ITPR2: variants seen among roughly 807,000 people sequenced by gnomAD.
ITPR2 encodes the protein inositol 1,4,5-trisphosphate receptor type 2.
Under a neutral mutation model 317.1 loss-of-function variants are expected in ITPR2, and 207 were observed. The observed-to-expected ratio is 0.65, with a 90% CI of 0.58 to 0.73. The LOEUF is 0.73. Among genes scored for constraint, ITPR2 ranks in the 30% least tolerant of loss-of-function variants. ITPR2 has a pLI of 0.00. For missense variants in ITPR2, 2,613 were observed against 3,284.0 expected (o/e 0.80, Z 4.99); for synonymous variants, 1,156 against 1,149.1 (o/e 1.01, Z -0.12).
chr12:26,536,529 G>A (rs1314357541), intron 37 of ITPR2, among the ~76,000 whole-genome samples: 1 of 151,692 alleles, frequency 6.6e-6, no homozygotes, highest in Non-Finnish European at 1.5e-5. Flanking sequence ...TGAAATGGAT[G>A]TAAGTGAACA....
chr12:26,402,722 G>T (rs1275120574), intron 52 of ITPR2, among the ~76,000 whole-genome samples: 1 of 152,124 alleles, frequency 6.6e-6, no homozygotes, highest in Non-Finnish European at 1.5e-5. Context: ...AGTTAATAAG[G>T]TTCTACCTTC....
intron 37 of ITPR2, chr12:26,495,478 T>C (rs1942911918): frequency 2.2e-6 from 1 of 463,216 alleles, no homozygotes; most frequent in Non-Finnish European, 3.9e-6. Flanking sequence ...TGGGAGAAGC[T>C]TTTTGGAGGT....
At chr12:26,708,859 T>C (rs1455284971) in intron 9 of ITPR2, among the ~76,000 whole-genome samples, 1 of 152,154 alleles carries the variant, frequency 6.6e-6, no homozygotes, top group Non-Finnish European at 1.5e-5. Context: ...CATCAAGACA[T>C]CACACGTGCC....
At chr12:26,480,658 A>G (rs1565550601) in intron 43 of ITPR2, among the ~76,000 whole-genome samples, 1 of 151,990 alleles carries the variant, frequency 6.6e-6, no homozygotes, top group Non-Finnish European at 1.5e-5. Context: ...TGGCCAACAC[A>G]GTGAAACCCC....
chr12:26,590,787 A>G lies in ITPR2; in HGVS notation c.4380+4678T>C, dbSNP rs115630779. On this transcript the variant is annotated intron_variant, in intron 32 of 56. Coordinates refer to ENST00000381340, the MANE Select transcript of ITPR2 (RefSeq NM_002223.4). ...CGGAAAAATGGGATGACGTTAAGTT[A>G]AAAGGCTTCAGGTCGGGCACAGTGG... Among the ~76,000 whole-genome samples the G allele has an allele frequency of 7.8e-3, 1,191 of 152,292 alleles. 8 individuals are homozygous for G. The highest frequency in any genetic ancestry group is 0.027 in the African/African-American group (1,124 of 41,558).
intron 37 of ITPR2, among the ~76,000 whole-genome samples, chr12:26,545,179 G>A (rs180910256): frequency 6.6e-6 from 1 of 152,246 alleles, no homozygotes; most frequent in African/African-American, 2.4e-5. Context: ...ATGTCCTCAT[G>A]ATCCCTTTCC....
intron 34 of ITPR2, among the ~76,000 whole-genome samples, chr12:26,565,778 C>T (rs912455710): frequency 1.4e-5 from 2 of 148,128 alleles, no homozygotes; most frequent in Non-Finnish European, 3.0e-5. Flanking sequence ...CTGCATCTAG[C>T]CTAGGCAACA....
At chr12:26,718,640 C>T (rs983755022) in intron 5 of ITPR2, among the ~76,000 whole-genome samples, 6 of 151,440 alleles carry the variant, frequency 4.0e-5, no homozygotes, top group African/African-American at 1.2e-4. Flanking sequence ...GATGGGGTCT[C>T]GCTCTGTCAC....
chr12:26,392,395 T>C (rs921568115), intron 54 of ITPR2, among the ~76,000 whole-genome samples: 1 of 152,212 alleles, frequency 6.6e-6, no homozygotes, highest in Non-Finnish European at 1.5e-5. Context: ...TACTCTCTTT[T>C]CTGCCTTCCA....
At chr12:26,420,359 T>C (rs923830932) in intron 49 of ITPR2, among the ~76,000 whole-genome samples, 1 of 152,198 alleles carries the variant, frequency 6.6e-6, no homozygotes, top group African/African-American at 2.4e-5. Flanking sequence ...TGCAACATTG[T>C]TGATTTGTTC....
intron 55 of ITPR2, among the ~76,000 whole-genome samples, chr12:26,340,992 TTG>T (rs373004072): frequency 3.3e-5 from 5 of 151,916 alleles, no homozygotes; most frequent in East Asian, 1.9e-4. Context: ...TGTAGGTGTT[TTG>T]TGTGTGTGTG....
intron 15 of ITPR2, among the ~76,000 whole-genome samples, chr12:26,663,010 A>G (rs2136919473): frequency 6.6e-6 from 1 of 152,254 alleles, no homozygotes; most frequent in East Asian, 1.9e-4. Context: ...GAGAAATTTC[A>G]CTTGCAACTG....
chr12:26,486,541 A>G (rs998604744), intron 40 of ITPR2, among the ~76,000 whole-genome samples, 181 bp from the exon 41 acceptor site: 21 of 152,208 alleles, frequency 1.4e-4, no homozygotes, highest in African/African-American at 5.1e-4. Flanking sequence ...GCAGTGGGTC[A>G]TAAAAAAGAT....
At chr12:26,725,950 C>T (rs997810348) in intron 2 of ITPR2, 185 bp from the exon 3 acceptor site, 1 of 474,038 alleles carries the variant, frequency 2.1e-6, no homozygotes, top group African/African-American at 2.0e-5. Flanking sequence ...ATTATCTAGA[C>T]TCAGTTAAAA....
intron 21 of ITPR2, among the ~76,000 whole-genome samples, chr12:26,638,854 T>C (rs566269085): frequency 1.3e-5 from 2 of 152,286 alleles, no homozygotes; most frequent in South Asian, 4.1e-4. Flanking sequence ...TAAAAGGTGC[T>C]ACATGCTTAG....
chr12:26,419,579 G>C (rs11048506), intron 49 of ITPR2: 58,492 of 159,404 alleles, frequency 0.37, 13,090 homozygotes, highest in Non-Finnish European at 0.5. Context: ...GCAGCTGAGG[G>C]CCTTGATGGT....
intron 8 of ITPR2, among the ~76,000 whole-genome samples, chr12:26,711,690 C>G (rs1304282986): frequency 6.6e-6 from 1 of 152,098 alleles, no homozygotes; most frequent in Non-Finnish European, 1.5e-5. Context: ...AAGAGAGAGC[C>G]AGCGAACAAA....
intron 37 of ITPR2, among the ~76,000 whole-genome samples, chr12:26,533,593 C>T (rs560316176): frequency 7.9e-5 from 12 of 152,296 alleles, no homozygotes; most frequent in African/African-American, 2.9e-4. Context: ...GAGGTAATTA[C>T]ATTAAAATGA....
intron 55 of ITPR2, among the ~76,000 whole-genome samples, chr12:26,351,590 T>C (rs1938486629): frequency 1.3e-5 from 2 of 152,218 alleles, no homozygotes; most frequent in South Asian, 4.2e-4. Flanking sequence ...GGGAGGTCAA[T>C]GCTGCACTGA....
Sources: gnomAD v4.1 joint callset for allele counts (sites outside exome capture counted in the v4.1 genomes callset) on GRCh38, gnomAD v4.1.1 for gene constraint, MANE v1.5 for transcripts, NCBI Gene and HGNC (gene_info 2026-07-23, HGNC 2026-07-21) for gene names.